Variants in KIRREL3 observed in about 807,000 individuals in gnomAD.
KIRREL3 encodes kin of IRRE-like protein 3.
KIRREL3 carries 36 observed loss-of-function variants against 89.7 expected under a neutral mutation model. That is an observed-to-expected ratio of 0.40 (90% CI 0.31 to 0.53). The LOEUF (loss-of-function observed/expected upper bound fraction) is 0.53. Among genes scored for constraint, KIRREL3 ranks in the 20% least tolerant of loss-of-function variants. The pLI, the probability that KIRREL3 is intolerant of heterozygous loss-of-function variation, is 0.49. For synonymous variants in KIRREL3, 445 were observed against 441.4 expected (o/e 1.01, Z -0.10); for missense variants, 864 against 1,056.6 (o/e 0.82, Z 2.53).
In KIRREL3 at chr11:126,879,948, A is replaced by G. The variant is rs947409698; in HGVS notation, c.55+120507T>C. On this transcript the variant is annotated intron_variant, in intron 1 of 16. Transcript: ENST00000525144. This position sits in a 1 kb window ranked among gnomAD's most constrained non-coding sequence, Gnocchi z 5.4. ...ATCTCAGTTATTCAAGAAGGAAGCC[A>G]TGGTATGTACTGGGAAGTCTTGTGC... Among the ~76,000 whole-genome samples the G allele has an allele frequency of 7.9e-5, 12 of 152,166 alleles. No homozygotes were observed. The highest frequency in any genetic ancestry group is 2.9e-4 in the African/African-American group (12 of 41,448).
At position 126,601,038 on chromosome 11, in the gene KIRREL3, T is replaced by C. The variant is rs764223186; in HGVS notation, c.56-38126A>G. Among the ~76,000 whole-genome samples, 2 of 152,112 alleles carry C rather than the reference T, an allele frequency of 1.3e-5. No individual in the cohort carries two copies. The highest frequency in any genetic ancestry group is 2.9e-5 in the Non-Finnish European group (2 of 68,022). ...CAGGAAATTACCCAGGATTTCACAATCTTAGTCAGAAGCGAAATTTAAAAC... is the reference window on the plus strand; with the variant it reads ...CAGGAAATTACCCAGGATTTCACAACCTTAGTCAGAAGCGAAATTTAAAAC... On this transcript the variant is annotated intron_variant, in intron 1 of 16. Coordinates refer to ENST00000525144, the MANE Select transcript of KIRREL3 (RefSeq NM_032531.4). This position sits in a 1 kb window ranked among gnomAD's most constrained non-coding sequence, Gnocchi z 5.8.
chr11:126,944,167 T>G (rs1948547739), intron 1 of KIRREL3: 1 of 152,164 alleles, frequency 6.6e-6, no homozygotes, highest in South Asian at 2.1e-4. Context: ...GGTCCTCCTA[T>G]TATATCTCTC....
rs535268536 is a variant in KIRREL3, at chr11:126,541,493, G to T, written c.134-14806C>A. Among the ~76,000 whole-genome samples, 1 of 152,138 alleles carries T rather than the reference G, an allele frequency of 6.6e-6. No homozygotes were observed. The highest frequency in any genetic ancestry group is 1.5e-5 in the Non-Finnish European group (1 of 68,028). ...GGACACTTGGCCTTTTGGGGGCTCAGATCTATATCCTAAACATTAAAAAAA... is the reference window on the plus strand; with the variant it reads ...GGACACTTGGCCTTTTGGGGGCTCATATCTATATCCTAAACATTAAAAAAA... On this transcript the variant is annotated intron_variant, in intron 2 of 16. Transcript: ENST00000525144. The surrounding 1 kb of genome is among the most constrained non-coding windows in gnomAD (Gnocchi z 4.8).
In KIRREL3 at chr11:126,579,645, G is replaced by A. The variant is rs1270325571; in HGVS notation, c.56-16733C>T. ...TGCACCACCTGTGGCCCTAGAGTGG[G>A]GAGCATTGAGGTTGGATGGCATTTG... On this transcript the variant is annotated intron_variant, in intron 1 of 16. Transcript: ENST00000525144. The surrounding 1 kb of genome is among the most constrained non-coding windows in gnomAD (Gnocchi z 5.3). Among the ~76,000 whole-genome samples, 3 of 152,076 alleles carry A rather than the reference G, an allele frequency of 2.0e-5. No individual in the cohort carries two copies. The highest frequency in any genetic ancestry group is 4.4e-5 in the Non-Finnish European group (3 of 68,016).
chr11:126,863,046 C>G (rs1944754368), intron 1 of KIRREL3, among the ~76,000 whole-genome samples: 1 of 152,176 alleles, frequency 6.6e-6, no homozygotes. Context: ...AGGGACTGGC[C>G]CACCCTTTCC....
intron 1 of KIRREL3, among the ~76,000 whole-genome samples, chr11:126,850,328 T>C (rs563454663): frequency 6.6e-6 from 1 of 152,314 alleles, no homozygotes; most frequent in African/African-American, 2.4e-5. Flanking sequence ...CACACCACAG[T>C]TGTTGTGGTG....
intron 1 of KIRREL3, among the ~76,000 whole-genome samples, chr11:126,603,839 G>C (rs1212854063): frequency 6.6e-6 from 1 of 152,200 alleles, no homozygotes; most frequent in African/African-American, 2.4e-5. Context: ...GGAGTGGAGA[G>C]AGAACTCGTG....
chr11:126,440,259 C>A (rs529264299), intron 11 of KIRREL3, 190 bp downstream of exon 11: 9 of 707,336 alleles, frequency 1.3e-5, no homozygotes, highest in African/African-American at 1.2e-4. Flanking sequence ...AGAGCACTGC[C>A]TGTTCTGAGA....
At chr11:126,799,206 GTGTGTATCTGTGTGTGTATC>G (rs1950916342) in intron 1 of KIRREL3, among the ~76,000 whole-genome samples, 3 of 151,346 alleles carry the variant, frequency 2.0e-5, no homozygotes, top group South Asian at 4.2e-4. Flanking sequence ...GTGTGTGCAT[GTGTGTATCTGTGTGTGTATC>G]TGTGTATCTG....
chr11:126,526,704 C>T lies in KIRREL3; in HGVS notation c.134-17G>A. 1 of 1,552,380 alleles carries T rather than the reference C, an allele frequency of 6.4e-7. No individual in the cohort carries two copies. Among genetic ancestry groups the T allele is most frequent in the Non-Finnish European group, 8.7e-7 (1 of 1,146,864 alleles). On this transcript the variant is annotated splice_polypyrimidine_tract_variant and intron_variant, in intron 2 of 16. Coordinates refer to ENST00000525144, the MANE Select transcript of KIRREL3 (RefSeq NM_032531.4). This position sits in a 1 kb window ranked among gnomAD's most constrained non-coding sequence, Gnocchi z 5.7. Reference sequence around the variant, plus strand: ...AGACTTGGCCTGGGAAGGAGACAAACACAATGGTCAGTTATCTGCCGGCTA... The same window carrying T: ...AGACTTGGCCTGGGAAGGAGACAAATACAATGGTCAGTTATCTGCCGGCTA...
chr11:126,602,043 C>A (rs970714811), intron 1 of KIRREL3, among the ~76,000 whole-genome samples: 1 of 152,204 alleles, frequency 6.6e-6, no homozygotes, highest in Admixed American at 6.5e-5. Context: ...CAACACCTCG[C>A]AGGAACTAAT....
Position 127,000,573 on chromosome 11 carries a change from C to A in KIRREL3, c.-64G>T. On this transcript the variant is annotated 5_prime_UTR_variant, in exon 1 of 17. Coordinates refer to ENST00000525144, the MANE Select transcript of KIRREL3 (RefSeq NM_032531.4). The surrounding 1 kb of genome is among the most constrained non-coding windows in gnomAD (Gnocchi z 7.1). Reference sequence around the variant, plus strand: ...GCTGTGGTTAGTTTCTCTTCCTTGGCGGCTCTCGGTGCTCAGCCTCCGCCG... The same window carrying A: ...GCTGTGGTTAGTTTCTCTTCCTTGGAGGCTCTCGGTGCTCAGCCTCCGCCG... 5 of 1,534,758 alleles carry A rather than the reference C, an allele frequency of 3.3e-6. No homozygotes were observed. Among genetic ancestry groups the A allele is most frequent in the East Asian group, 2.4e-5 (1 of 40,896 alleles).
intron 1 of KIRREL3, among the ~76,000 whole-genome samples, chr11:126,816,123 A>G (rs1246143270): frequency 6.6e-6 from 1 of 152,264 alleles, no homozygotes. Context: ...GAAAAACAGC[A>G]TATACTGTAT....
chr11:126,950,664 A>C (rs1465953186), intron 1 of KIRREL3, among the ~76,000 whole-genome samples: 4 of 152,206 alleles, frequency 2.6e-5, no homozygotes, highest in Non-Finnish European at 5.9e-5. Context: ...GGATGCCTTC[A>C]CCAACTGCTG....
rs1370930507 is a variant in KIRREL3 at position 126,498,395 on chromosome 11, G to A, written c.433+22920C>T. 4.6e-5 allele frequency among the ~76,000 whole-genome samples: 7 copies of A among 152,136 alleles called. No homozygotes were observed. The South Asian group carries it at 6.2e-4, about 14-fold the overall frequency. On this transcript the variant is annotated intron_variant, in intron 4 of 16. Coordinates refer to ENST00000525144, the MANE Select transcript of KIRREL3 (RefSeq NM_032531.4). The surrounding 1 kb of genome is among the most constrained non-coding windows in gnomAD (Gnocchi z 4.3). Reference sequence around the variant, plus strand: ...TTTAATAAGCCAGGCTCTTCCCCCCGACCCTGCGATTGTGTTCCTAATCAG... The same window carrying A: ...TTTAATAAGCCAGGCTCTTCCCCCCAACCCTGCGATTGTGTTCCTAATCAG...
At chr11:126,478,916 G>A (rs1957152490) in intron 4 of KIRREL3, among the ~76,000 whole-genome samples, 2 of 152,176 alleles carry the variant, frequency 1.3e-5, no homozygotes, top group South Asian at 4.1e-4. Context: ...GCGCTGCTGT[G>A]GCATCAGGGT....
At chr11:126,494,231 G>T (rs1181336794) in intron 4 of KIRREL3, among the ~76,000 whole-genome samples, 2 of 152,130 alleles carry the variant, frequency 1.3e-5, no homozygotes, top group African/African-American at 4.8e-5. Context: ...ACTATTACTG[G>T]TGAGTTATTT....
chr11:126,634,821 G>C lies in KIRREL3; in HGVS notation c.56-71909C>G, dbSNP rs1283157054. On this transcript the variant is annotated intron_variant, in intron 1 of 16. Transcript: ENST00000525144. ...ATCCATCCTCGGTCCTAGGCTACAG[G>C]TCTGCGCCCTCTCGGAGGCCCTTGC... Among the ~76,000 whole-genome samples, 10 of 152,152 alleles carry C rather than the reference G, an allele frequency of 6.6e-5. 1 individual carries two copies. Among genetic ancestry groups the C allele is most frequent in the Admixed American group, 6.5e-4 (10 of 15,278 alleles).
At chr11:126,895,745 G>T (rs1946129317) in intron 1 of KIRREL3, among the ~76,000 whole-genome samples, 3 of 152,126 alleles carry the variant, frequency 2.0e-5, no homozygotes, top group African/African-American at 7.2e-5. Context: ...AGCTGGTGGG[G>T]GTTGGAGCTT....
Sources: gnomAD v4.1 joint callset for allele counts (sites outside exome capture counted in the v4.1 genomes callset) on GRCh38, gnomAD v4.1.1 for gene constraint, Gnocchi (gnomAD v3.1) non-coding constraint, MANE v1.5 for transcripts, NCBI Gene and HGNC (gene_info 2026-07-23, HGNC 2026-07-21) for gene names.